Variants in SLC35F3 observed in about 807,000 individuals in gnomAD.
SLC35F3 encodes the protein solute carrier family 35 member F3, also known as putative thiamine transporter SLC35F3.
Under a neutral mutation model 49.9 loss-of-function variants are expected in SLC35F3, and 25 were observed. The ratio of observed to expected loss-of-function variants is 0.50; its 90% CI spans 0.37 to 0.70. The LOEUF (loss-of-function observed/expected upper bound fraction) is 0.70, where lower values mean the gene tolerates loss of function less well. Among genes scored for constraint, SLC35F3 ranks in the 30% least tolerant of loss-of-function variants. The pLI is 0.00. For synonymous variants in SLC35F3, 275 were observed against 265.4 expected (o/e 1.04, Z -0.35); for missense variants, 525 against 639.8 (o/e 0.82, Z 1.94).
At position 234,172,013 on chromosome 1, in the gene SLC35F3, G is replaced by C. The variant is rs867655413; in HGVS notation, c.284-59404G>C. ...GATGACTGTTTCTACCCAGTGAAAA[G>C]TGAGAAGGAATGTCCAGCTCATCTT... On this transcript the variant is annotated intron_variant, in intron 2 of 7. Transcript: ENST00000366618. 6.6e-5 allele frequency among the ~76,000 whole-genome samples: 10 copies of C among 152,076 alleles called. No individual in the cohort carries two copies. The South Asian group carries it at 2.1e-3, about 32-fold the overall frequency.
Position 234,108,417 on chromosome 1 carries a change from T to TAAAAGA in SLC35F3, c.284-123000_284-122999insAAAAGA, listed in dbSNP as rs1231994535. Among the ~76,000 whole-genome samples the TAAAAGA allele has an allele frequency of 5.3e-5, 6 of 114,258 alleles. 1 individual carries two copies. The highest frequency in any genetic ancestry group is 5.9e-4 in the East Asian group (2 of 3,384). The allele number at this position is 114,258 out of a possible 152,430, so 75.0% of individuals were successfully genotyped here. ...TATATATTTATATATATGATATATA[T>TAAAAGA]TATTTATATATAAAAGATATATATA... On this transcript the variant is annotated intron_variant, in intron 2 of 7. Coordinates refer to ENST00000366618, the MANE Select transcript of SLC35F3 (RefSeq NM_173508.4).
At chr1:233,966,494 A>C (rs866893519) in intron 2 of SLC35F3, among the ~76,000 whole-genome samples, 11 of 152,346 alleles carry the variant, frequency 7.2e-5, no homozygotes, top group Non-Finnish European at 1.5e-4. Context: ...ATCAGATTTC[A>C]TCTGGATGGG....
intron 2 of SLC35F3, among the ~76,000 whole-genome samples, chr1:233,946,893 A>T (rs1222403637): frequency 6.6e-6 from 1 of 152,200 alleles, no homozygotes; most frequent in Non-Finnish European, 1.5e-5. Flanking sequence ...TGTGTGTGTG[A>T]CCCAGGAATG....
At chr1:233,961,701 T>C (rs1204314234) in intron 2 of SLC35F3, among the ~76,000 whole-genome samples, 2 of 152,114 alleles carry the variant, frequency 1.3e-5, no homozygotes, top group African/African-American at 4.8e-5. Context: ...GATGATCCAC[T>C]TGCTTTGGCC....
intron 2 of SLC35F3, among the ~76,000 whole-genome samples, chr1:234,112,101 G>T (rs988398151): frequency 6.6e-6 from 1 of 152,210 alleles, no homozygotes; most frequent in Non-Finnish European, 1.5e-5. Context: ...AGCACTTTGG[G>T]AGGCAGTGGC....
intron 2 of SLC35F3, among the ~76,000 whole-genome samples, chr1:234,212,153 G>A (rs572308539): frequency 1.3e-5 from 2 of 152,300 alleles, no homozygotes; most frequent in East Asian, 1.9e-4. Flanking sequence ...GGAAATATAA[G>A]TCCATTAAAC....
At chr1:234,304,657 C>T (rs1344801234) in intron 3 of SLC35F3, among the ~76,000 whole-genome samples, 1 of 152,172 alleles carries the variant, frequency 6.6e-6, no homozygotes, top group Non-Finnish European at 1.5e-5. Flanking sequence ...GCCCAACTCT[C>T]CACTGTAGCA....
chr1:234,134,303 T>A (rs1665777589), intron 2 of SLC35F3, among the ~76,000 whole-genome samples: 1 of 148,738 alleles, frequency 6.7e-6, no homozygotes, highest in Admixed American at 6.7e-5. Context: ...AATAATTATA[T>A]GCAATTATAT....
intron 2 of SLC35F3, among the ~76,000 whole-genome samples, chr1:234,078,599 C>T (rs1664831619): frequency 6.6e-6 from 1 of 152,200 alleles, no homozygotes; most frequent in Admixed American, 6.5e-5. Flanking sequence ...AAAGCTAAGC[C>T]TCAGATTCCT....
chr1:234,194,050 A>G (rs1666768988), intron 2 of SLC35F3, among the ~76,000 whole-genome samples: 1 of 152,216 alleles, frequency 6.6e-6, no homozygotes, highest in Admixed American at 6.5e-5. Flanking sequence ...TTTAAAGTTT[A>G]ATAGTTAAAG....
chr1:234,261,242 A>G (rs886193156), intron 3 of SLC35F3, among the ~76,000 whole-genome samples: 29 of 152,284 alleles, frequency 1.9e-4, no homozygotes, highest in African/African-American at 7.0e-4. Flanking sequence ...TTTATTAAGA[A>G]AGTAAAGGAA....
rs542495559 is a variant in SLC35F3, at chr1:234,125,143, C to G, written c.284-106274C>G. ...CCTATCCCGCCTCATATCTAGGACA[C>G]AGTGTCAAGTGATGAGACCAACACT... On this transcript the variant is annotated intron_variant, in intron 2 of 7. Coordinates refer to ENST00000366618, the MANE Select transcript of SLC35F3 (RefSeq NM_173508.4). Among the ~76,000 whole-genome samples the G allele has an allele frequency of 2.0e-3, 310 of 152,268 alleles. 2 individuals are homozygous for G. Among genetic ancestry groups the G allele is most frequent in the Non-Finnish European group, 1.1e-3 (78 of 68,026 alleles).
At chr1:234,109,607 C>T (rs1665374868) in intron 2 of SLC35F3, among the ~76,000 whole-genome samples, 2 of 152,162 alleles carry the variant, frequency 1.3e-5, no homozygotes, top group African/African-American at 4.8e-5. Context: ...TATGTATGTC[C>T]TCATTCATTC....
intron 2 of SLC35F3, among the ~76,000 whole-genome samples, chr1:234,128,770 ATC>A (rs1468124942): frequency 1.3e-5 from 2 of 152,164 alleles, no homozygotes; most frequent in Non-Finnish European, 2.9e-5. Flanking sequence ...AAAAGGACAT[ATC>A]TCTCTTTGCT....
chr1:234,166,776 G>T (rs745481646), intron 2 of SLC35F3, among the ~76,000 whole-genome samples: 1 of 152,162 alleles, frequency 6.6e-6, no homozygotes, highest in African/African-American at 2.4e-5. Flanking sequence ...ATGCAGTAAG[G>T]CCCCTTGGCT....
At chr1:234,164,119 A>C (rs1572076848) in intron 2 of SLC35F3, among the ~76,000 whole-genome samples, 17 of 124,844 alleles carry the variant, frequency 1.4e-4, no homozygotes, top group Admixed American at 3.3e-4. Flanking sequence ...TCTCTCCTCT[A>C]CCTCTCTCTC....
At chr1:234,263,548 C>G (rs76025103) in intron 3 of SLC35F3, among the ~76,000 whole-genome samples, 7,252 of 152,116 alleles carry the variant, frequency 0.048, 250 homozygotes, top group South Asian at 0.085. Context: ...ATCCCTGGAG[C>G]AAGAACATGA....
chr1:234,322,124 G>C (rs1260964760), intron 7 of SLC35F3, among the ~76,000 whole-genome samples: 1 of 151,864 alleles, frequency 6.6e-6, no homozygotes, highest in Non-Finnish European at 1.5e-5. Context: ...AGCCCGGGAG[G>C]TGGAGGTTGC....
intron 3 of SLC35F3, among the ~76,000 whole-genome samples, chr1:234,232,203 C>G (rs2236221): frequency 0.4 from 60,661 of 151,998 alleles, 12,416 homozygotes; most frequent in Admixed American, 0.42. Context: ...AAGACATGCC[C>G]CCCTTCGCGT....
Sources: gnomAD v4.1 joint callset for allele counts (sites outside exome capture counted in the v4.1 genomes callset) on GRCh38, gnomAD v4.1.1 for gene constraint, MANE v1.5 for transcripts, NCBI Gene and HGNC (gene_info 2026-07-23, HGNC 2026-07-21) for gene names.